The following AQR variants were observed in gnomAD, a reference collection of about 807,000 sequenced individuals.
AQR encodes the protein RNA helicase aquarius.
In AQR, 61 loss-of-function variants were observed where a neutral mutation model predicts 180.5. The observed-to-expected ratio is 0.34, with a 90% CI of 0.28 to 0.42. The LOEUF (loss-of-function observed/expected upper bound fraction) is 0.42. Ranked by LOEUF, AQR falls within the 10% of genes least tolerant of loss-of-function variation. The pLI is 1.00. For synonymous variants in AQR, 551 were observed against 588.8 expected (o/e 0.94, Z 0.93); for missense variants, 1,281 against 1,798.3 (o/e 0.71, Z 5.20).
Position 34,884,869 on chromosome 15 carries a change from A to AT in AQR, c.2818-136_2818-135insA, listed in dbSNP as rs1869411284. On this transcript the variant is annotated intron_variant, in intron 25 of 34. Transcript: ENST00000156471. ...AGAAATTCAATCTTTGATCCAATAT[A>AT]ACTATTCTTCATTCCTGTAACTGAC... 1.3e-5 allele frequency: 9 copies of AT among 681,938 alleles called. No individual in the cohort carries two copies. The South Asian group carries it at 1.5e-4, about 12-fold the overall frequency. The allele number at this position is 681,938 out of a possible 1,614,324, so 42.2% of individuals were successfully genotyped here.
chr15:34,866,303 C>T (rs1474028587), intron 32 of AQR, among the ~76,000 whole-genome samples: 2 of 152,152 alleles, frequency 1.3e-5, no homozygotes, highest in African/African-American at 4.8e-5. Flanking sequence ...ACCACCAACA[C>T]TATCCCCCAT....
intron 8 of AQR, 72 bp from the exon 9 acceptor site, chr15:34,938,885 AC>A: frequency 9.1e-7 from 1 of 1,103,320 alleles, no homozygotes; most frequent in Non-Finnish European, 1.4e-6. Context: ...TTAAATGTTG[AC>A]CACGGCTTTC....
At chr15:34,893,607 G>GTA (rs1555423810) in intron 23 of AQR, 56 bp downstream of exon 23, 3 of 997,686 alleles carry the variant, frequency 3.0e-6, no homozygotes, top group Non-Finnish European at 4.5e-6. Flanking sequence ...GCGCATGCGT[G>GTA]CACACACACA....
At chr15:34,955,085 T>G (rs1894288678) in intron 3 of AQR, among the ~76,000 whole-genome samples, 1 of 152,216 alleles carries the variant, frequency 6.6e-6, no homozygotes, top group African/African-American at 2.4e-5. Context: ...ATTGCGCCAC[T>G]GCACTCCAGC....
At chr15:34,925,664 C>T (rs1398760170) in intron 13 of AQR, among the ~76,000 whole-genome samples, 1 of 151,872 alleles carries the variant, frequency 6.6e-6, no homozygotes, top group African/African-American at 2.4e-5. Context: ...ATGGTGAAAC[C>T]CCATCTTTGC....
At chr15:34,887,194 G>A (rs1325042903) in intron 24 of AQR, among the ~76,000 whole-genome samples, 1 of 151,658 alleles carries the variant, frequency 6.6e-6, no homozygotes, top group East Asian at 1.9e-4. Context: ...GGGTGTTACT[G>A]GTCTAGGAGG....
At chr15:34,932,913 G>A (rs1232598745) in intron 10 of AQR, among the ~76,000 whole-genome samples, 4 of 152,058 alleles carry the variant, frequency 2.6e-5, no homozygotes, top group Admixed American at 2.6e-4. Context: ...CCAAGATCGT[G>A]CCACTGCACT....
intron 28 of AQR, among the ~76,000 whole-genome samples, chr15:34,875,509 T>TA (rs1038819360): frequency 9.9e-5 from 15 of 152,164 alleles, no homozygotes; most frequent in Non-Finnish European, 1.6e-4. Context: ...TATTTTACAG[T>TA]AAAAAAATTC....
At chr15:34,956,950 A>T (rs952182054) in intron 3 of AQR, among the ~76,000 whole-genome samples, 3 of 144,368 alleles carry the variant, frequency 2.1e-5, no homozygotes, top group Non-Finnish European at 4.6e-5. Flanking sequence ...AAATATTTTT[A>T]AAATCAAACT....
At chr15:34,927,300 TAA>T (rs1893779606) in intron 12 of AQR, among the ~76,000 whole-genome samples, 162 bp from the exon 13 acceptor site, 1 of 152,048 alleles carries the variant, frequency 6.6e-6, no homozygotes, top group Admixed American at 6.5e-5. Flanking sequence ...AAGCATATAA[TAA>T]AAAGAGAAAA....
At position 34,932,384 on chromosome 15, in the gene AQR, G is replaced by A. The variant is rs761582408; in HGVS notation, c.834C>T (p.His278=). The A allele has an allele frequency of 7.4e-6, 12 of 1,613,134 alleles. No individual in the cohort carries two copies. The highest frequency in any genetic ancestry group is 9.3e-6 in the Non-Finnish European group (11 of 1,179,686). Reference sequence around the variant, plus strand: ...TGGAAAGGTAACAGTGAACCAGAAGGTGGGAATCATCCAGGATGGTATTAA... The same window carrying A: ...TGGAAAGGTAACAGTGAACCAGAAGATGGGAATCATCCAGGATGGTATTAA... The part of the protein sequence containing the change: ...RWFNTILDDS[H]LLVHCYLSNL... The change falls in exon 11 of 35, where the codon CAC becomes CAT. Residue 278 remains histidine (H), a synonymous_variant. Coordinates refer to ENST00000156471, the MANE Select transcript of AQR (RefSeq NM_014691.3).
At chr15:34,898,466 G>C (rs1263614773) in intron 20 of AQR, among the ~76,000 whole-genome samples, 1 of 152,226 alleles carries the variant, frequency 6.6e-6, no homozygotes, top group Non-Finnish European at 1.5e-5. Flanking sequence ...TTTTTAGCTA[G>C]GCAGTGAATA....
At chr15:34,882,476 A>AG in intron 27 of AQR, 26 bp downstream of exon 27, 1 of 1,452,804 alleles carries the variant, frequency 6.9e-7, no homozygotes, top group South Asian at 1.5e-5. Flanking sequence ...AAAAAAAAAA[A>AG]AAAAAAAACT....
At chr15:34,947,354 C>A (rs1894144401) in intron 5 of AQR, among the ~76,000 whole-genome samples, 2 of 150,578 alleles carry the variant, frequency 1.3e-5, no homozygotes, top group African/African-American at 4.9e-5. Flanking sequence ...ATCTCAAGTA[C>A]CCAGGGACAC....
chr15:34,897,982 TATTC>T (rs1387521734), intron 20 of AQR, among the ~76,000 whole-genome samples: 2 of 152,250 alleles, frequency 1.3e-5, no homozygotes, highest in African/African-American at 4.8e-5. Flanking sequence ...TAAAGTGTTT[TATTC>T]ATTGTCTGTC....
chr15:34,960,155 T>C (rs891756713), intron 3 of AQR, among the ~76,000 whole-genome samples: 2 of 152,202 alleles, frequency 1.3e-5, no homozygotes, highest in East Asian at 1.9e-4. Context: ...CAGGTGTATA[T>C]ACAAAAAGAT....
intron 22 of AQR, among the ~76,000 whole-genome samples, chr15:34,896,346 T>C (rs1054980116): frequency 6.6e-6 from 1 of 152,158 alleles, no homozygotes; most frequent in Admixed American, 6.5e-5. Context: ...ATCATGTCAA[T>C]TAAAAATAAA....
intron 12 of AQR, among the ~76,000 whole-genome samples, chr15:34,928,602 G>C (rs954674623): frequency 2.0e-5 from 3 of 152,138 alleles, no homozygotes; most frequent in African/African-American, 7.2e-5. Context: ...ATCGTTGATG[G>C]GTTGGTTCCA....
At chr15:34,916,882 C>CAAAAAAAAAAAAAAAAAA (rs71119988) in intron 15 of AQR, among the ~76,000 whole-genome samples, 23 of 79,122 alleles carry the variant, frequency 2.9e-4, no homozygotes, top group East Asian at 5.6e-4. Context: ...TTCAGCAGAA[C>CAAAAAAAAAAAAAAAAAA]AAAAAAAAAA....
Sources: allele counts gnomAD v4.1 joint callset (sites outside exome capture counted in the v4.1 genomes callset), GRCh38; gene constraint gnomAD v4.1.1; transcripts MANE v1.5; gene names NCBI Gene and HGNC (gene_info 2026-07-23, HGNC 2026-07-21).